The following MAP4 variants were observed in gnomAD, a reference collection of about 807,000 sequenced individuals.
MAP4 encodes microtubule-associated protein 4.
MAP4 carries 76 observed loss-of-function variants against 170.2 expected under a neutral mutation model. The ratio of observed to expected loss-of-function variants is 0.45; its 90% CI spans 0.37 to 0.54. MAP4 has a LOEUF of 0.54. Ranked by LOEUF, MAP4 falls within the 20% of genes least tolerant of loss-of-function variation. The pLI is 0.00. For synonymous variants in MAP4, 909 were observed against 994.5 expected (o/e 0.91, Z 1.62); for missense variants, 2,506 against 2,748.0 (o/e 0.91, Z 1.97).
At chr3:47,920,449 G>A (rs950346467) in intron 5 of MAP4, among the ~76,000 whole-genome samples, 2 of 151,964 alleles carry the variant, frequency 1.3e-5, no homozygotes, top group East Asian at 3.9e-4. Context: ...CACCATTTTG[G>A]CCAGGCTGGT....
intron 2 of MAP4, among the ~76,000 whole-genome samples, chr3:47,985,186 AG>A (rs1464683627): frequency 6.6e-6 from 1 of 151,748 alleles, no homozygotes; most frequent in Non-Finnish European, 1.5e-5. Flanking sequence ...AGGCTGAGGC[AG>A]GAGGATCACC....
At chr3:47,991,702 T>C (rs1307250323) in intron 2 of MAP4, among the ~76,000 whole-genome samples, 1 of 151,984 alleles carries the variant, frequency 6.6e-6, no homozygotes, top group African/African-American at 2.4e-5. Context: ...TTCGCTCTTG[T>C]TGCCCAGGCT....
intron 1 of MAP4, among the ~76,000 whole-genome samples, chr3:48,061,341 C>G (rs190898236): frequency 2.8e-5 from 4 of 141,880 alleles, no homozygotes; most frequent in Non-Finnish European, 6.2e-5. Context: ...TGCAGGCACG[C>G]GCCGCCACGC....
intron 4 of MAP4, among the ~76,000 whole-genome samples, chr3:47,924,586 A>G (rs2100044747): frequency 6.6e-6 from 1 of 151,930 alleles, no homozygotes; most frequent in Non-Finnish European, 1.5e-5. Context: ...CCCAGAACCT[A>G]TTTCTCCCCC....
chr3:47,891,299 A>G, intron 10 of MAP4: 1 of 1,536,200 alleles, frequency 6.5e-7, no homozygotes, highest in Admixed American at 2.0e-5. Flanking sequence ...GAAGTGAGCC[A>G]ATTCTTCTCT....
intron 1 of MAP4, among the ~76,000 whole-genome samples, chr3:48,024,067 T>C (rs1030696300): frequency 1.3e-5 from 2 of 152,168 alleles, no homozygotes; most frequent in Admixed American, 6.5e-5. Context: ...ATCCCAGCAC[T>C]TGGGGAGGCC....
chr3:48,058,235 G>A (rs1021878101), intron 1 of MAP4, among the ~76,000 whole-genome samples: 3 of 152,188 alleles, frequency 2.0e-5, no homozygotes, highest in Non-Finnish European at 2.9e-5. Context: ...AGACTACAAT[G>A]ACTTAGATAT....
Position 47,910,752 on chromosome 3 carries a change from A to C in MAP4, c.3669T>G (p.Asn1223Lys). The C allele has an allele frequency of 6.5e-7, 1 of 1,536,060 alleles. No homozygotes were observed. Among genetic ancestry groups the C allele is most frequent in the Non-Finnish European group, 8.7e-7 (1 of 1,146,882 alleles). The change falls in exon 9 of 21, where the codon AAT (asparagine) becomes AAG (lysine). Residue 1223 changes from asparagine (N) to lysine (K), a missense_variant. Asn to Lys is a moderately conservative substitution (Grantham distance 94). Coordinates refer to ENST00000683076, the MANE Select transcript of MAP4 (RefSeq NM_001385682.1). Reference protein sequence around the residue: ...GNEGKSKKFKNNYSTQPARME... With the variant: ...GNEGKSKKFKKNYSTQPARME... ...TTCTAGCAGGCTGTGTGGAATAATT[A>C]TTTTTAAACTTTTTGCTTTTGCCTT...
At chr3:47,929,594 G>C (rs763462659) in intron 3 of MAP4, among the ~76,000 whole-genome samples, 1 of 88,408 alleles carries the variant, frequency 1.1e-5, no homozygotes, top group Non-Finnish European at 2.0e-5. Flanking sequence ...ACAGATCAAA[G>C]ACCTAACGTA....
chr3:47,871,403 A>C, intron 13 of MAP4, 117 bp from the exon 14 acceptor site: 1 of 864,680 alleles, frequency 1.2e-6, no homozygotes, highest in Non-Finnish European at 1.9e-6. Flanking sequence ...TGAGCCAGGG[A>C]CTGTGTTAGT....
rs2040863036 is a variant in MAP4 at position 47,850,962 on chromosome 3, G to C, written c.*1972C>G. The C allele has an allele frequency of 1.3e-5, 2 of 152,324 alleles. No homozygotes were observed. Among genetic ancestry groups the C allele is most frequent in the Admixed American group, 1.3e-4 (2 of 15,270 alleles). 9.4% of individuals were successfully genotyped at this position (152,324 alleles called of 1,614,324 possible). ...TTGGGCCACCTACCCCCAACCTTTG[G>C]CCAAAGGAGTGAAAGGACCTGGAAC... On this transcript the variant is annotated 3_prime_UTR_variant, in exon 21 of 21. Transcript: ENST00000683076.
At chr3:47,907,074 A>G (rs1258318130) in intron 9 of MAP4, among the ~76,000 whole-genome samples, 1 of 152,160 alleles carries the variant, frequency 6.6e-6, no homozygotes, top group Non-Finnish European at 1.5e-5. Context: ...ACCTCAGGTG[A>G]TCCGCCTGCC....
Position 47,909,042 on chromosome 3 carries a change from G to A in MAP4, c.5379C>T (p.Ser1793=), listed in dbSNP as rs769466904. The A allele has an allele frequency of 3.8e-5, 62 of 1,611,912 alleles. No homozygotes were observed. In the Admixed American group the frequency reaches 5.9e-4, roughly 15 times the overall value. ...QEQERHKQLK[S]AVCLSSSTVY... ...TTCCCCATGGCAGGTTCATACCAGC[G>A]GACTTCAGTTGCTTATGTCTCTCTT... The change falls in exon 9 of 21, where the codon TCC becomes TCT. Residue 1793 remains serine, a synonymous_variant. Transcript: ENST00000683076.
rs1180899442 is a variant in MAP4, at chr3:47,916,699, G to A, written c.1128C>T (p.Asn376=). 6.2e-7 allele frequency: 1 copy of A among 1,613,986 alleles called. No homozygotes were observed. Residue 376 remains asparagine (N), a synonymous_variant, in exon 7 of 21, where the codon AAC becomes AAT. Coordinates refer to ENST00000683076, the MANE Select transcript of MAP4 (RefSeq NM_001385682.1). ...GAGATGCCCTCTCTGTTTCTTTCTT[G>A]TTTTCTTTGGGTGGTCCCATGTCCT... ...PSKDMGPPKE[N]KKETERASPI... is the part of the protein sequence containing the mutation.
At chr3:48,063,775 T>C (rs975520250) in intron 1 of MAP4, among the ~76,000 whole-genome samples, 9 of 152,180 alleles carry the variant, frequency 5.9e-5, no homozygotes, top group Admixed American at 6.5e-5. Flanking sequence ...TAATTCTAAC[T>C]ATACGACATT....
At chr3:47,931,652 CA>C (rs1234953616) in intron 3 of MAP4, among the ~76,000 whole-genome samples, 1 of 142,350 alleles carries the variant, frequency 7.0e-6, no homozygotes, top group African/African-American at 2.5e-5. Context: ...CTAATTTAAA[CA>C]AAATTTTTTT....
Position 47,895,414 on chromosome 3 carries a change from T to C in MAP4, c.5434+7536A>G, listed in dbSNP as rs1216229048. ...TCAAGTAATCACAGGCCCACTGCTATGTCCAGCTCAAAGTATGACTTCAAC... is the reference window on the plus strand; with the variant it reads ...TCAAGTAATCACAGGCCCACTGCTACGTCCAGCTCAAAGTATGACTTCAAC... On this transcript the variant is annotated intron_variant, in intron 10 of 20. Coordinates refer to ENST00000683076, the MANE Select transcript of MAP4 (RefSeq NM_001385682.1). Among the ~76,000 whole-genome samples the C allele has an allele frequency of 3.9e-5, 6 of 152,250 alleles. No homozygotes were observed. In the East Asian group the frequency reaches 9.6e-4, roughly 24 times the overall value.
chr3:47,931,169 G>A (rs902847607), intron 3 of MAP4, among the ~76,000 whole-genome samples: 3 of 151,872 alleles, frequency 2.0e-5, no homozygotes, highest in Non-Finnish European at 4.4e-5. Context: ...GAGCCCAGGA[G>A]TTTGAGACCA....
chr3:48,066,697 T>A lies in MAP4; in HGVS notation c.-20+22076A>T, dbSNP rs116150524. On this transcript the variant is annotated intron_variant, in intron 1 of 18. Transcript: ENST00000360240. The stretch of plus-strand genomic sequence containing the variant: ...ACATCATTTTATATATGGGACCTTA[T>A]CATCCTCAGATTTTCTTATCTGCAG... Among the ~76,000 whole-genome samples, 621 of 152,108 alleles carry A rather than the reference T, an allele frequency of 4.1e-3. 6 individuals are homozygous for A. Among genetic ancestry groups the A allele is most frequent in the African/African-American group, 0.014 (594 of 41,482 alleles).
Sources: allele counts gnomAD v4.1 joint callset (sites outside exome capture counted in the v4.1 genomes callset), GRCh38; gene constraint gnomAD v4.1.1; transcripts MANE v1.5; gene names NCBI Gene and HGNC (gene_info 2026-07-23, HGNC 2026-07-21).